The following PARD3 variants were observed in gnomAD, a reference collection of about 807,000 sequenced individuals.
The protein encoded by PARD3 is partitioning defective 3 homolog.
In PARD3, 75 loss-of-function variants were observed where a neutral mutation model predicts 155.4. The observed-to-expected ratio is 0.48, with a 90% CI of 0.40 to 0.58. PARD3 has a LOEUF of 0.58. PARD3 is among the 20% of genes least tolerant of loss of function. The pLI, the probability that PARD3 is intolerant of heterozygous loss-of-function variation, is 0.00. For missense variants in PARD3, 1,642 were observed against 1,721.7 expected (o/e 0.95, Z 0.82); for synonymous variants, 576 against 610.5 (o/e 0.94, Z 0.83).
chr10:34,682,213 C>A (rs2093856304), intron 2 of PARD3, among the ~76,000 whole-genome samples: 1 of 152,122 alleles, frequency 6.6e-6, no homozygotes, highest in African/African-American at 2.4e-5. Flanking sequence ...TCTTGACAAT[C>A]TTTTGTAAGA....
chr10:34,307,958 G>C (rs912948408), intron 20 of PARD3, among the ~76,000 whole-genome samples: 3 of 152,152 alleles, frequency 2.0e-5, no homozygotes, highest in African/African-American at 7.2e-5. Context: ...GGGTGAGAGG[G>C]AGCAGAGTTT....
At chr10:34,769,222 G>A (rs750096284) in intron 1 of PARD3, among the ~76,000 whole-genome samples, 2 of 152,034 alleles carry the variant, frequency 1.3e-5, no homozygotes, top group South Asian at 2.1e-4. Flanking sequence ...AGACCTCCAC[G>A]GATACTGAGC....
intron 2 of PARD3, among the ~76,000 whole-genome samples, chr10:34,576,522 A>C (rs1010898570): frequency 1.3e-5 from 2 of 152,222 alleles, no homozygotes; most frequent in African/African-American, 4.8e-5. Flanking sequence ...AAAGAAAAAA[A>C]AAAGACAAAA....
At chr10:34,534,345 GA>G (rs1406392695) in intron 2 of PARD3, among the ~76,000 whole-genome samples, 4 of 152,034 alleles carry the variant, frequency 2.6e-5, no homozygotes, top group African/African-American at 9.7e-5. Flanking sequence ...CAAGTCAATG[GA>G]AAGAGGTGAG....
At chr10:34,527,013 A>T (rs1423867302) in intron 2 of PARD3, among the ~76,000 whole-genome samples, 1 of 152,244 alleles carries the variant, frequency 6.6e-6, no homozygotes, top group Non-Finnish European at 1.5e-5. Context: ...GGCAATCAGT[A>T]GTGGAAAACT....
intron 2 of PARD3, among the ~76,000 whole-genome samples, chr10:34,665,596 T>G (rs2093431717): frequency 6.6e-6 from 1 of 151,874 alleles, no homozygotes; most frequent in African/African-American, 2.4e-5. Context: ...TCCCAACACT[T>G]TGGGATGGCG....
intron 7 of PARD3, among the ~76,000 whole-genome samples, chr10:34,386,730 G>C (rs2132041054): frequency 6.6e-6 from 1 of 151,462 alleles, no homozygotes; most frequent in East Asian, 1.9e-4. Flanking sequence ...GCTGAGGCAG[G>C]AGAATCGCTT....
chr10:34,222,471 G>A (rs181184694), intron 22 of PARD3, among the ~76,000 whole-genome samples: 2 of 152,356 alleles, frequency 1.3e-5, no homozygotes, highest in East Asian at 1.9e-4. Flanking sequence ...AACCTTCTAT[G>A]TACGTACCTC....
chr10:34,575,560 C>T (rs987892919), intron 2 of PARD3, among the ~76,000 whole-genome samples: 5 of 152,172 alleles, frequency 3.3e-5, no homozygotes, highest in African/African-American at 1.2e-4. Context: ...TTTCATATCT[C>T]CTAAGTTACA....
intron 22 of PARD3, among the ~76,000 whole-genome samples, chr10:34,172,199 T>C (rs1340135553): frequency 6.6e-6 from 1 of 152,116 alleles, no homozygotes; most frequent in Non-Finnish European, 1.5e-5. Flanking sequence ...TGAATTCATA[T>C]GGGCTTAGAT....
chr10:34,783,708 C>G (rs980856072), intron 1 of PARD3, among the ~76,000 whole-genome samples: 2 of 149,380 alleles, frequency 1.3e-5, no homozygotes, highest in Non-Finnish European at 3.0e-5. Flanking sequence ...TCAACCACAT[C>G]ATAAAAACTT....
chr10:34,755,015 T>C (rs749236474), intron 1 of PARD3, among the ~76,000 whole-genome samples: 8 of 152,170 alleles, frequency 5.3e-5, no homozygotes, highest in South Asian at 4.1e-4. Flanking sequence ...CAATGTGAGA[T>C]TGTCACTTTT....
intron 20 of PARD3, among the ~76,000 whole-genome samples, chr10:34,305,517 G>C (rs1028918049): frequency 3.3e-5 from 5 of 152,222 alleles, no homozygotes; most frequent in Non-Finnish European, 7.3e-5. Context: ...AGACTCTGAC[G>C]TTTTCAGGCG....
At chr10:34,550,725 AAG>A (rs778875626) in intron 2 of PARD3, among the ~76,000 whole-genome samples, 25 of 152,236 alleles carry the variant, frequency 1.6e-4, no homozygotes, top group Non-Finnish European at 3.2e-4. Flanking sequence ...CCCAGAAAAA[AAG>A]AAATCGTTGT....
chr10:34,185,282 C>G (rs968504115), intron 22 of PARD3, among the ~76,000 whole-genome samples: 2 of 152,220 alleles, frequency 1.3e-5, no homozygotes, highest in African/African-American at 2.4e-5. Context: ...GGGTCCTGAT[C>G]TGCAAATTTC....
chr10:34,523,524 C>T (rs2082283941), intron 2 of PARD3, among the ~76,000 whole-genome samples: 1 of 152,180 alleles, frequency 6.6e-6, no homozygotes, highest in South Asian at 2.1e-4. Context: ...AAGATGCCTC[C>T]ATGACCCTCT....
chr10:34,348,312 T>G (rs1837640893), intron 14 of PARD3, among the ~76,000 whole-genome samples, 197 bp from the exon 15 acceptor site: 1 of 152,230 alleles, frequency 6.6e-6, no homozygotes, highest in African/African-American at 2.4e-5. Flanking sequence ...CTTTATACCA[T>G]GCCTCCCATG....
intron 1 of PARD3, among the ~76,000 whole-genome samples, chr10:34,810,174 C>A (rs888743712): frequency 6.6e-6 from 1 of 152,204 alleles, no homozygotes; most frequent in South Asian, 2.1e-4. Context: ...TGAGCACCCA[C>A]ATGACGCCAC....
At chr10:34,642,694 T>A (rs553817403) in intron 2 of PARD3, among the ~76,000 whole-genome samples, 15 of 151,600 alleles carry the variant, frequency 9.9e-5, no homozygotes, top group South Asian at 4.2e-4. Context: ...GACGGCCCCC[T>A]CCCCATGACC....
Sources: allele counts gnomAD v4.1 joint callset (sites outside exome capture counted in the v4.1 genomes callset), GRCh38; gene constraint gnomAD v4.1.1; transcripts MANE v1.5; gene names NCBI Gene and HGNC (gene_info 2026-07-23, HGNC 2026-07-21).